EXT1: variants seen among roughly 807,000 people sequenced by gnomAD.
The protein encoded by EXT1 is exostosin-1.
In EXT1, 20 loss-of-function variants were observed where a neutral mutation model predicts 82.5. The ratio of observed to expected loss-of-function variants is 0.24; its 90% confidence interval spans 0.17 to 0.35. EXT1 has a LOEUF of 0.35. Among genes scored for constraint, EXT1 ranks in the 10% least tolerant of loss-of-function variants. EXT1 has a pLI of 1.00. For synonymous variants in EXT1, 348 were observed against 350.8 expected, an observed-to-expected ratio of 0.99 and a Z score of 0.09; for missense variants, 757 against 936.5, an observed-to-expected ratio of 0.81 and a Z score of 2.50.
intron 8 of EXT1, 34 bp downstream of exon 8, chr8:117,812,838 G>T: frequency 6.3e-7 from 1 of 1,582,714 alleles, no homozygotes; most frequent in Non-Finnish European, 8.7e-7. Context: ...TGCCTGAACA[G>T]CCCACCTGCT....
chr8:118,001,117 T>A (rs571583942), intron 1 of EXT1, among the ~76,000 whole-genome samples: 16 of 152,348 alleles, frequency 1.1e-4, no homozygotes, highest in African/African-American at 3.6e-4. Context: ...TATTAACTCT[T>A]CAGTACCAGT....
chr8:117,914,811 G>A (rs978010053), intron 1 of EXT1, among the ~76,000 whole-genome samples: 4 of 152,142 alleles, frequency 2.6e-5, no homozygotes, highest in Non-Finnish European at 4.4e-5. Context: ...AAGACAATAC[G>A]TGCACCGCTG....
chr8:117,947,004 G>A (rs907215737), intron 1 of EXT1, among the ~76,000 whole-genome samples: 2 of 152,146 alleles, frequency 1.3e-5, no homozygotes, highest in African/African-American at 4.8e-5. Flanking sequence ...CCCGAGCCAA[G>A]AATTATTATA....
At chr8:117,801,619 T>C (rs10755914) in intron 10 of EXT1, among the ~76,000 whole-genome samples, 101,945 of 152,002 alleles carry the variant, frequency 0.67, 34,347 homozygotes, top group Admixed American at 0.74. Context: ...GATTCTTGTG[T>C]CTCAGCCTCC....
At chr8:118,020,335 T>C (rs17505248) in intron 1 of EXT1, among the ~76,000 whole-genome samples, 3,621 of 152,308 alleles carry the variant, frequency 0.024, 121 homozygotes, top group African/African-American at 0.083. Context: ...CTAATTCTAG[T>C]AGTCTAGGGA....
chr8:118,035,150 C>T (rs11562731), intron 1 of EXT1, among the ~76,000 whole-genome samples: 3,088 of 152,220 alleles, frequency 0.02, 108 homozygotes, highest in African/African-American at 0.07. Flanking sequence ...ATATCAAGCC[C>T]GGGCAAGTTA....
At chr8:117,897,591 C>CTCTCTTT (rs775608794) in intron 1 of EXT1, among the ~76,000 whole-genome samples, 6 of 90,690 alleles carry the variant, frequency 6.6e-5, no homozygotes, top group African/African-American at 2.6e-4. Context: ...CTTCTTTTCT[C>CTCTCTTT]TTTTTTTTTT....
chr8:117,905,785 C>G (rs1349994277), intron 1 of EXT1, among the ~76,000 whole-genome samples: 1 of 152,204 alleles, frequency 6.6e-6, no homozygotes, highest in Non-Finnish European at 1.5e-5. Context: ...GCAGTCCAAC[C>G]TGGGAGAAGA....
intron 1 of EXT1, among the ~76,000 whole-genome samples, chr8:118,013,208 T>C (rs1815937404): frequency 6.6e-6 from 1 of 152,008 alleles, no homozygotes; most frequent in Admixed American, 6.6e-5. Flanking sequence ...TACTTTGTTG[T>C]TGTTGTTGTT....
intron 5 of EXT1, among the ~76,000 whole-genome samples, chr8:117,820,151 G>C (rs1391583983): frequency 1.3e-5 from 2 of 152,092 alleles, no homozygotes; most frequent in South Asian, 4.1e-4. Flanking sequence ...CATGGTATTT[G>C]CATGTGTCTG....
chr8:117,912,913 A>G (rs1354140563), intron 1 of EXT1, among the ~76,000 whole-genome samples: 1 of 152,182 alleles, frequency 6.6e-6, no homozygotes, highest in East Asian at 1.9e-4. Flanking sequence ...AGAGCTAACA[A>G]TGGGACAACT....
intron 1 of EXT1, among the ~76,000 whole-genome samples, chr8:118,104,548 C>T (rs1817776139): frequency 6.6e-6 from 1 of 152,182 alleles, no homozygotes; most frequent in South Asian, 2.1e-4. Context: ...ACTTCTCAAA[C>T]ACCTTGTTCA....
chr8:118,068,381 G>A (rs1817028251), intron 1 of EXT1, among the ~76,000 whole-genome samples: 1 of 152,146 alleles, frequency 6.6e-6, no homozygotes, highest in Admixed American at 6.5e-5. Context: ...TTGTTACATA[G>A]GTAAACATGT....
chr8:118,002,789 C>T (rs531121755), intron 1 of EXT1, among the ~76,000 whole-genome samples: 1 of 152,220 alleles, frequency 6.6e-6, no homozygotes, highest in East Asian at 1.9e-4. Context: ...GCCTCAGCCT[C>T]CCAAAGTGCT....
chr8:117,901,992 C>A (rs919513347), intron 1 of EXT1, among the ~76,000 whole-genome samples: 2 of 152,070 alleles, frequency 1.3e-5, no homozygotes, highest in African/African-American at 4.8e-5. Context: ...GCCACTGCGC[C>A]CAGCCTATAA....
intron 1 of EXT1, among the ~76,000 whole-genome samples, chr8:117,992,759 C>A (rs547550567): frequency 1.3e-5 from 2 of 152,302 alleles, no homozygotes; most frequent in South Asian, 2.1e-4. Context: ...TCATTCCCTG[C>A]CAGGAGGATC....
chr8:118,035,240 C>T (rs1288225836), intron 1 of EXT1, among the ~76,000 whole-genome samples: 2 of 152,128 alleles, frequency 1.3e-5, no homozygotes, highest in East Asian at 3.9e-4. Flanking sequence ...TAGCCTCACT[C>T]GCACACAGGA....
intron 1 of EXT1, among the ~76,000 whole-genome samples, chr8:117,935,801 T>C (rs972108911): frequency 2.0e-5 from 3 of 152,128 alleles, no homozygotes; most frequent in Non-Finnish European, 4.4e-5. Context: ...ACACAGACAA[T>C]CACAGGTACA....
At chr8:118,106,063 T>C (rs924484764) in intron 1 of EXT1, among the ~76,000 whole-genome samples, 4 of 152,158 alleles carry the variant, frequency 2.6e-5, no homozygotes, top group Non-Finnish European at 5.9e-5. Flanking sequence ...ACAGGCAAAA[T>C]GTAAACTCCC....
Sources: allele counts gnomAD v4.1 joint callset (sites outside exome capture counted in the v4.1 genomes callset), GRCh38; gene constraint gnomAD v4.1.1; transcripts MANE v1.5; gene names NCBI Gene and HGNC (gene_info 2026-07-23, HGNC 2026-07-21).